HS6ST3: variants seen among roughly 807,000 people sequenced by gnomAD.
HS6ST3 encodes the protein heparan-sulfate 6-O-sulfotransferase 3.
A neutral mutation model predicts 36.7 loss-of-function variants in HS6ST3; 12 were observed. That is an observed-to-expected ratio of 0.33 (90% CI 0.21 to 0.53). HS6ST3 has a LOEUF of 0.53. Among genes scored for constraint, HS6ST3 ranks in the 20% least tolerant of loss-of-function variants. The pLI is 0.95. For missense variants in HS6ST3, 584 were observed against 640.9 expected (o/e 0.91, Z 0.96); for synonymous variants, 240 against 257.5 (o/e 0.93, Z 0.65).
intron 1 of HS6ST3, among the ~76,000 whole-genome samples, chr13:96,238,517 G>C (rs1163386469): frequency 2.6e-5 from 4 of 152,148 alleles, no homozygotes; most frequent in African/African-American, 9.7e-5. Context: ...CTCATTCTTA[G>C]GTTTTAGATT....
chr13:96,565,148 G>T (rs1304746320), intron 1 of HS6ST3, among the ~76,000 whole-genome samples: 1 of 151,986 alleles, frequency 6.6e-6, no homozygotes, highest in Admixed American at 6.6e-5. Flanking sequence ...TGAGAGTAAA[G>T]GAATTAATGG....
chr13:96,729,556 A>T (rs965197169), intron 1 of HS6ST3, among the ~76,000 whole-genome samples: 1 of 152,076 alleles, frequency 6.6e-6, no homozygotes, highest in East Asian at 1.9e-4. Flanking sequence ...TCCTAGGTTC[A>T]AGCGATTCTT....
chr13:96,194,725 A>G (rs993668523), intron 1 of HS6ST3, among the ~76,000 whole-genome samples: 4 of 152,084 alleles, frequency 2.6e-5, no homozygotes, highest in African/African-American at 9.7e-5. Context: ...GAAAGTTTGT[A>G]TTCTTTGACC....
chr13:96,137,775 C>T (rs2054010025), intron 1 of HS6ST3, among the ~76,000 whole-genome samples: 1 of 152,188 alleles, frequency 6.6e-6, no homozygotes, highest in Non-Finnish European at 1.5e-5. Flanking sequence ...ATCCCTGTTT[C>T]AGGCCGCCCA....
At chr13:96,186,645 C>A (rs1049873167) in intron 1 of HS6ST3, among the ~76,000 whole-genome samples, 2 of 152,048 alleles carry the variant, frequency 1.3e-5, no homozygotes, top group African/African-American at 4.8e-5. Flanking sequence ...ATCAGGGTCA[C>A]CATTTTCTAT....
At chr13:96,160,637 C>G (rs2054131298) in intron 1 of HS6ST3, among the ~76,000 whole-genome samples, 1 of 152,118 alleles carries the variant, frequency 6.6e-6, no homozygotes, top group Non-Finnish European at 1.5e-5. Context: ...TCTGGGTTAC[C>G]TATTAGAAAA....
intron 1 of HS6ST3, among the ~76,000 whole-genome samples, chr13:96,180,092 C>CTG: frequency 6.6e-6 from 1 of 152,174 alleles, no homozygotes; most frequent in Admixed American, 6.5e-5. Flanking sequence ...GCCTCAGCCT[C>CTG]CCAAAGTGTT....
intron 1 of HS6ST3, among the ~76,000 whole-genome samples, chr13:96,500,412 T>C (rs935693483): frequency 6.6e-6 from 1 of 152,238 alleles, no homozygotes; most frequent in Non-Finnish European, 1.5e-5. Flanking sequence ...AGTTTTTATA[T>C]GGATATATTT....
chr13:96,211,560 A>G (rs894791893), intron 1 of HS6ST3, among the ~76,000 whole-genome samples: 3 of 152,240 alleles, frequency 2.0e-5, no homozygotes, highest in African/African-American at 4.8e-5. Context: ...TATTATCTAA[A>G]TGTCTTTTAT....
At chr13:96,139,575 A>C (rs1462902225) in intron 1 of HS6ST3, among the ~76,000 whole-genome samples, 1 of 145,796 alleles carries the variant, frequency 6.9e-6, no homozygotes, top group Non-Finnish European at 1.5e-5. Context: ...AAATCCATGT[A>C]TAAGTTAATT....
chr13:96,206,192 T>C (rs1436742468), intron 1 of HS6ST3, among the ~76,000 whole-genome samples: 6 of 152,158 alleles, frequency 3.9e-5, no homozygotes, highest in Admixed American at 2.6e-4. Flanking sequence ...AGCCAAATCA[T>C]GAATGTACTT....
At chr13:96,123,231 T>C (rs1369227049) in intron 1 of HS6ST3, among the ~76,000 whole-genome samples, 2 of 152,228 alleles carry the variant, frequency 1.3e-5, no homozygotes, top group Non-Finnish European at 2.9e-5. Flanking sequence ...GCTGTTAACT[T>C]ATTACCAATG....
At chr13:96,502,155 G>T (rs2056007124) in intron 1 of HS6ST3, among the ~76,000 whole-genome samples, 1 of 152,142 alleles carries the variant, frequency 6.6e-6, no homozygotes, top group Non-Finnish European at 1.5e-5. Flanking sequence ...CTGTTCAGTT[G>T]TCTTACTGTT....
At chr13:96,605,977 C>T (rs908530675) in intron 1 of HS6ST3, among the ~76,000 whole-genome samples, 2 of 151,946 alleles carry the variant, frequency 1.3e-5, no homozygotes, top group Non-Finnish European at 2.9e-5. Flanking sequence ...AAAAAATGCT[C>T]ATCATCACTT....
At chr13:96,823,911 C>T (rs1297053200) in intron 1 of HS6ST3, among the ~76,000 whole-genome samples, 1 of 152,156 alleles carries the variant, frequency 6.6e-6, no homozygotes, top group Non-Finnish European at 1.5e-5. Flanking sequence ...GCCACAGCAC[C>T]CAGTCTATTT....
At chr13:96,539,986 G>A (rs938712201) in intron 1 of HS6ST3, among the ~76,000 whole-genome samples, 2 of 152,206 alleles carry the variant, frequency 1.3e-5, no homozygotes, top group African/African-American at 4.8e-5. Context: ...GAGTCTTCCT[G>A]ATGAGTGACA....
chr13:96,252,997 A>G (rs548845039), intron 1 of HS6ST3, among the ~76,000 whole-genome samples: 1 of 152,180 alleles, frequency 6.6e-6, no homozygotes, highest in Non-Finnish European at 1.5e-5. Context: ...GTATTTCTTT[A>G]TAACAACGCA....
rs529749180 is a variant in HS6ST3, at chr13:96,286,529, G to A, written c.707+194960G>A. Among the ~76,000 whole-genome samples, 8 of 152,242 alleles carry A rather than the reference G, an allele frequency of 5.3e-5. No individual in the cohort carries two copies. The South Asian group carries it at 8.3e-4, about 16-fold the overall frequency. Reference sequence around the variant, plus strand: ...AAAACACAGATGAATAGAATCTGTAGGTCTATAGGCATGAAGACATACAGA... The same window carrying A: ...AAAACACAGATGAATAGAATCTGTAAGTCTATAGGCATGAAGACATACAGA... On this transcript the variant is annotated intron_variant, in intron 1 of 1. Coordinates refer to ENST00000376705, the MANE Select transcript of HS6ST3 (RefSeq NM_153456.4).
At chr13:96,688,244 A>ATAATAATAATAATAAT (rs1566430088) in intron 1 of HS6ST3, among the ~76,000 whole-genome samples, 2 of 150,864 alleles carry the variant, frequency 1.3e-5, no homozygotes, top group African/African-American at 4.9e-5. Context: ...CATCATAATA[A>ATAATAATAATAATAAT]AAAGACTCTC....
Sources: gnomAD v4.1 joint callset for allele counts (sites outside exome capture counted in the v4.1 genomes callset) on GRCh38, gnomAD v4.1.1 for gene constraint, MANE v1.5 for transcripts, NCBI Gene and HGNC (gene_info 2026-07-23, HGNC 2026-07-21) for gene names.